The following LIPA variants were observed in gnomAD, a reference collection of about 807,000 sequenced individuals.
The protein encoded by LIPA is lipase A, lysosomal acid type.
LIPA carries 26 observed loss-of-function variants against 40.6 expected under a neutral mutation model. That is an observed-to-expected ratio of 0.64 (90% CI 0.47 to 0.89). The LOEUF (loss-of-function observed/expected upper bound fraction) is 0.89. LIPA is among the 40% of genes least tolerant of loss of function. The pLI, the probability that LIPA is intolerant of heterozygous loss-of-function variation, is 0.00. For synonymous variants in LIPA, 188 were observed against 168.4 expected, an observed-to-expected ratio of 1.12 and a Z score of -0.90; for missense variants, 455 against 479.6, an observed-to-expected ratio of 0.95 and a Z score of 0.48.
At chr10:89,231,158 C>T (rs1283618318) in intron 3 of LIPA, among the ~76,000 whole-genome samples, 1 of 151,978 alleles carries the variant, frequency 6.6e-6, no homozygotes, top group African/African-American at 2.4e-5. Flanking sequence ...TACAGCTGTG[C>T]AAAATTAATG....
Position 89,280,438 on chromosome 10 carries a change from C to G in LIPA, c.-1-32789G>C, listed in dbSNP as rs547347838. On this transcript the variant is annotated intron_variant, in intron 1 of 5. Coordinates refer to the LIPA transcript ENST00000282673. ...GGGTACATTCTCCCTTCGCCTCCCA[C>G]TGCCTCGCCTGGCGTTAAACACAGC... 2.6e-5 allele frequency among the ~76,000 whole-genome samples: 4 copies of G among 152,354 alleles called. No homozygotes were observed. The East Asian group carries it at 7.7e-4, about 29-fold the overall frequency.
chr10:89,340,080 C>A, intron 1 of LIPA: 1 of 1,612,450 alleles, frequency 6.2e-7, no homozygotes, highest in Non-Finnish European at 8.5e-7. Context: ...AGGGCGCAGT[C>A]AGCTCCAGTC....
chr10:89,268,972 A>G (rs536178050), intron 1 of LIPA, among the ~76,000 whole-genome samples: 1 of 133,330 alleles, frequency 7.5e-6, no homozygotes, highest in Admixed American at 7.9e-5. Flanking sequence ...GGCGACAGAG[A>G]CAGACTCTGT....
At chr10:89,217,223 T>C (rs1842639626) in intron 8 of LIPA, among the ~76,000 whole-genome samples, 1 of 152,258 alleles carries the variant, frequency 6.6e-6, no homozygotes, top group African/African-American at 2.4e-5. Context: ...TTTTGATTTA[T>C]GTGAAGTCTG....
chr10:89,379,446 A>G (rs1314002062), intron 2 of LIPA, among the ~76,000 whole-genome samples: 1 of 152,136 alleles, frequency 6.6e-6, no homozygotes, highest in Non-Finnish European at 1.5e-5. Flanking sequence ...AGGCATTGTG[A>G]TATGTTTGTT....
At chr10:89,305,924 CTG>C (rs1308887809) in intron 1 of LIPA, 1 of 1,426,584 alleles carries the variant, frequency 7.0e-7, no homozygotes, top group East Asian at 2.3e-5. Flanking sequence ...ACATATAAAT[CTG>C]TGTCTCAAAG....
intron 1 of LIPA, among the ~76,000 whole-genome samples, chr10:89,301,164 C>T (rs1294163471): frequency 1.3e-5 from 2 of 152,160 alleles, no homozygotes; most frequent in African/African-American, 4.8e-5. Flanking sequence ...AATAATTTTC[C>T]CCAGAGTTTC....
chr10:89,286,123 G>GA (rs564934921), intron 1 of LIPA, among the ~76,000 whole-genome samples: 5 of 151,934 alleles, frequency 3.3e-5, no homozygotes, highest in Non-Finnish European at 7.4e-5. Flanking sequence ...AATTTTTGTC[G>GA]AAAAATGGGC....
chr10:89,301,754 G>A (rs1433449963), intron 1 of LIPA, among the ~76,000 whole-genome samples: 1 of 152,036 alleles, frequency 6.6e-6, no homozygotes, highest in Non-Finnish European at 1.5e-5. Flanking sequence ...TAATCTTTTC[G>A]AATATGAAAT....
intron 7 of LIPA, 65 bp downstream of exon 7, chr10:89,223,619 T>A (rs1842728014): frequency 6.9e-6 from 9 of 1,301,004 alleles, no homozygotes; most frequent in Non-Finnish European, 8.9e-6. Context: ...TCCCATATCA[T>A]TCAACACAAA....
chr10:89,279,904 G>A (rs1048062648), intron 1 of LIPA, among the ~76,000 whole-genome samples: 16 of 152,092 alleles, frequency 1.1e-4, no homozygotes, highest in Admixed American at 6.5e-4. Context: ...TCTAATTTCC[G>A]GAATGCATCG....
At position 89,213,929 on chromosome 10, in the gene LIPA, C is replaced by T. The variant is rs574200134; in HGVS notation, c.*899G>A. On this transcript the variant is annotated 3_prime_UTR_variant, in exon 10 of 10. Transcript: ENST00000336233. ...TGGGTGAAAATGAACAAGGACACTT[C>T]TCATGGGCAACCACGGGGCTTTGGC... 6.6e-6 allele frequency: 1 copy of T among 152,316 alleles called. No homozygotes were observed. The highest frequency in any genetic ancestry group is 2.1e-4 in the South Asian group (1 of 4,834). 9.4% of individuals were successfully genotyped at this position (152,316 alleles called of 1,614,324 possible). A position where few individuals can be genotyped will look rare whatever the true frequency, so the allele number is the denominator to read the frequency against.
Position 89,245,741 on chromosome 10 carries a change from G to C in LIPA, c.164C>G (p.Thr55Arg), listed in dbSNP as rs777978003. The C allele has an allele frequency of 6.2e-7, 1 of 1,604,902 alleles. No homozygotes were observed. The highest frequency in any genetic ancestry group is 8.5e-7 in the Non-Finnish European group (1 of 1,171,806). Residue 55 changes from threonine (T) to arginine (R), a missense_variant, in exon 3 of 10, where the codon ACA (threonine) becomes AGA (arginine). Thr to Arg is a moderately conservative substitution (Grantham distance 71). Transcript: ENST00000336233. ...GFPSEEYLVE[T>R]EDGYILCLNR... ...AAGGCACAGAATATATCCATCTTCT[G>C]TCTCAACTAGGTATTCCTCACTAGG...
In LIPA at chr10:89,226,970, A is replaced by C; in HGVS notation, c.463T>G (p.Ser155Ala). The C allele has an allele frequency of 2.5e-6, 4 of 1,613,464 alleles. No homozygotes were observed. Among genetic ancestry groups the C allele is most frequent in the Non-Finnish European group, 3.4e-6 (4 of 1,179,438 alleles). The change falls in exon 5 of 10, where the codon TCC becomes GCC. Residue 155 changes from serine to alanine, a missense_variant. Coordinates refer to ENST00000336233, the MANE Select transcript of LIPA (RefSeq NM_000235.4). Reference protein sequence around the residue: ...DEMAKYDLPASINFILNKTGQ... With the variant: ...DEMAKYDLPAAINFILNKTGQ... ...GTTTTATTCAGAATGAAGTTAATGG[A>C]AGCTGGTAGGTCATATTTTGCCATC...
At chr10:89,265,555 G>T (rs1299490037) in intron 1 of LIPA, among the ~76,000 whole-genome samples, 1 of 152,228 alleles carries the variant, frequency 6.6e-6, no homozygotes. Flanking sequence ...TGTTCTTTGG[G>T]ACTTGAATTG....
chr10:89,303,299 G>GTC (rs1843457731), intron 1 of LIPA, among the ~76,000 whole-genome samples: 1 of 152,202 alleles, frequency 6.6e-6, no homozygotes, highest in Non-Finnish European at 1.5e-5. Flanking sequence ...ACTCCCCAGA[G>GTC]ATTCTCATTA....
chr10:89,302,657 A>G lies in LIPA; in HGVS notation c.-2+39954T>C, dbSNP rs569177166. 3.3e-5 allele frequency among the ~76,000 whole-genome samples: 5 copies of G among 152,348 alleles called. No individual in the cohort carries two copies. The East Asian group carries it at 9.6e-4, about 29-fold the overall frequency. ...ATCTCAGATTTGCACAAGGGCTGGT[A>G]AACTTAAATATTTTCACCCCAAAAT... On this transcript the variant is annotated intron_variant, in intron 1 of 5. Transcript: ENST00000282673.
At chr10:89,305,881 G>T in intron 1 of LIPA, 1 of 930,702 alleles carries the variant, frequency 1.1e-6, no homozygotes, top group South Asian at 1.6e-5. Flanking sequence ...TTTAGGAGGA[G>T]GAGCATTTTA....
intron 1 of LIPA, among the ~76,000 whole-genome samples, chr10:89,257,367 T>C (rs1232195630): frequency 1.3e-5 from 2 of 152,102 alleles, no homozygotes; most frequent in Non-Finnish European, 2.9e-5. Flanking sequence ...TAGTGGTGTG[T>C]GTGTGTGTGT....
Sources: gnomAD v4.1 joint callset for allele counts (sites outside exome capture counted in the v4.1 genomes callset) on GRCh38, gnomAD v4.1.1 for gene constraint, MANE v1.5 for transcripts, NCBI Gene and HGNC (gene_info 2026-07-23, HGNC 2026-07-21) for gene names.